Variants in ACOXL observed in about 807,000 individuals in gnomAD.
ACOXL encodes acyl-CoA oxidase like, also known as acyl-coenzyme A oxidase-like protein.
ACOXL carries 70 observed loss-of-function variants against 71.9 expected under a neutral mutation model. The observed-to-expected ratio is 0.97, with a 90% CI of 0.80 to 1.19. ACOXL has a LOEUF of 1.19. Among genes scored for constraint, ACOXL ranks in the 50% most tolerant of loss-of-function variants. The pLI is 0.00. For missense variants in ACOXL, 703 were observed against 736.3 expected (o/e 0.95, Z 0.52); for synonymous variants, 253 against 281.6 (o/e 0.90, Z 1.02).
At chr2:111,111,261 G>T (rs754832659) in intron 17 of ACOXL, among the ~76,000 whole-genome samples, 18 of 151,406 alleles carry the variant, frequency 1.2e-4, no homozygotes, top group Non-Finnish European at 5.9e-5. Context: ...CACCACTCTC[G>T]GCTAATTTTT....
rs182828200 is a variant in ACOXL at position 110,813,770 on chromosome 2, A to G, written c.753+8375A>G. The stretch of plus-strand genomic sequence containing the variant: ...GCAACAACAGCTCAAGCCACAGTCA[A>G]ATAGTAACTCACTTGTATTGAGTCC... On this transcript the variant is annotated intron_variant, in intron 9 of 17. Coordinates refer to ENST00000439055, the MANE Select transcript of ACOXL (RefSeq NM_001142807.4). Among the ~76,000 whole-genome samples the G allele has an allele frequency of 5.7e-3, 864 of 152,320 alleles. 7 individuals carry two copies. Among genetic ancestry groups the G allele is most frequent in the African/African-American group, 0.02 (836 of 41,566 alleles).
chr2:110,863,707 G>T (rs1014617978), intron 10 of ACOXL, among the ~76,000 whole-genome samples: 2 of 152,054 alleles, frequency 1.3e-5, no homozygotes, highest in Admixed American at 1.3e-4. Context: ...AGCACCTGGG[G>T]TTTATGGCCT....
chr2:110,969,073 A>G (rs1416978728), intron 12 of ACOXL, among the ~76,000 whole-genome samples: 1 of 152,232 alleles, frequency 6.6e-6, no homozygotes, highest in Non-Finnish European at 1.5e-5. Context: ...AAAATAATCC[A>G]TAGGTTATAT....
At chr2:110,904,086 A>T (rs1458739113) in intron 10 of ACOXL, among the ~76,000 whole-genome samples, 1 of 152,182 alleles carries the variant, frequency 6.6e-6, no homozygotes, top group Non-Finnish European at 1.5e-5. Context: ...GGTGGTGAGA[A>T]GTGAGAGTAA....
chr2:111,045,283 G>GT (rs1001628814), intron 15 of ACOXL, among the ~76,000 whole-genome samples: 4 of 152,208 alleles, frequency 2.6e-5, no homozygotes, highest in Middle Eastern at 3.2e-3. Context: ...TCATTTTGAG[G>GT]TTTTTTCCTC....
chr2:110,808,389 C>T (rs1177707607), intron 9 of ACOXL, among the ~76,000 whole-genome samples: 2 of 152,274 alleles, frequency 1.3e-5, no homozygotes, highest in East Asian at 3.9e-4. Flanking sequence ...GTCTGCATTT[C>T]TGGGTTCCCG....
intron 16 of ACOXL, among the ~76,000 whole-genome samples, chr2:111,067,973 GC>G (rs34701621): frequency 6.6e-6 from 1 of 152,166 alleles, no homozygotes; most frequent in Non-Finnish European, 1.5e-5. Flanking sequence ...CCATGATGCT[GC>G]CCCGTGCCCC....
intron 10 of ACOXL, among the ~76,000 whole-genome samples, chr2:110,842,231 T>TG (rs966794626): frequency 3.3e-5 from 5 of 152,104 alleles, no homozygotes; most frequent in South Asian, 2.1e-4. Flanking sequence ...GCTAGAAAGC[T>TG]GGGGGGGAGC....
intron 16 of ACOXL, among the ~76,000 whole-genome samples, chr2:111,068,850 T>C (rs773022572): frequency 6.6e-6 from 1 of 152,204 alleles, no homozygotes; most frequent in Non-Finnish European, 1.5e-5. Flanking sequence ...TGCTGTCATA[T>C]TTGATGACAC....
In ACOXL at chr2:110,973,009, T is replaced by C. The variant is rs531223073; in HGVS notation, c.1060-14099T>C. Among the ~76,000 whole-genome samples, 8 of 152,342 alleles carry C rather than the reference T, an allele frequency of 5.3e-5. No individual in the cohort carries two copies. In the South Asian group the frequency reaches 1.5e-3, roughly 28 times the overall value. On this transcript the variant is annotated intron_variant, in intron 12 of 17. Transcript: ENST00000439055. ...GCCACCCTTATCAGTCAAGGAATGGTGGGAATCTTCCCAAACCCAAGTTCC... is the reference window on the plus strand; with the variant it reads ...GCCACCCTTATCAGTCAAGGAATGGCGGGAATCTTCCCAAACCCAAGTTCC...
intron 9 of ACOXL, among the ~76,000 whole-genome samples, chr2:110,829,387 T>C (rs745773665): frequency 2.6e-5 from 4 of 152,154 alleles, no homozygotes; most frequent in Non-Finnish European, 5.9e-5. Context: ...GATCTTCCCT[T>C]AGCTGTGTCT....
chr2:110,887,690 T>C (rs923825950), intron 10 of ACOXL: 13 of 152,314 alleles, frequency 8.5e-5, no homozygotes, highest in African/African-American at 2.9e-4. Flanking sequence ...TGACTCCTGG[T>C]CTCTAGTGAT....
intron 17 of ACOXL, among the ~76,000 whole-genome samples, chr2:111,096,410 T>G (rs2068804358): frequency 6.6e-6 from 1 of 151,836 alleles, no homozygotes; most frequent in Admixed American, 6.6e-5. Flanking sequence ...GCCTAGCTAA[T>G]TTTTGTATTT....
At position 111,049,316 on chromosome 2, in the gene ACOXL, C is replaced by T. The variant is rs182873351; in HGVS notation, c.1440+28C>T. On this transcript the variant is annotated intron_variant, in intron 16 of 17. Coordinates refer to ENST00000439055, the MANE Select transcript of ACOXL (RefSeq NM_001142807.4). ...AGGTTATCAGATAAAGAACTTATTT[C>T]CTAAAGGCTCAGAGCGTTTTTATTG... 2.8e-4 allele frequency: 431 copies of T among 1,559,782 alleles called. 3 individuals are homozygous for T. In the African/African-American group the frequency reaches 5.3e-3, roughly 19 times the overall value.
chr2:110,929,025 A>T (rs1558743678), intron 11 of ACOXL, among the ~76,000 whole-genome samples: 1 of 152,232 alleles, frequency 6.6e-6, no homozygotes, highest in Non-Finnish European at 1.5e-5. Flanking sequence ...CAGCGGCATG[A>T]AACGGACTAA....
intron 17 of ACOXL, among the ~76,000 whole-genome samples, chr2:111,102,472 CCT>C (rs1460495099): frequency 1.3e-5 from 2 of 152,158 alleles, no homozygotes; most frequent in Non-Finnish European, 2.9e-5. Flanking sequence ...TGAGCTCCAG[CCT>C]CTGAGTTTCT....
At chr2:110,904,964 C>CA (rs1427671384) in intron 10 of ACOXL, among the ~76,000 whole-genome samples, 1 of 152,074 alleles carries the variant, frequency 6.6e-6, no homozygotes, top group Admixed American at 6.5e-5. Context: ...AAAATGCACT[C>CA]AAAGGGAGTC....
chr2:110,959,608 G>A (rs1489659110), intron 12 of ACOXL, among the ~76,000 whole-genome samples: 1 of 152,028 alleles, frequency 6.6e-6, no homozygotes, highest in African/African-American at 2.4e-5. Context: ...CTCCATGCTG[G>A]GCTGATTAGA....
chr2:111,117,814 T>C lies in ACOXL; in HGVS notation c.1741T>C (p.Ter581GlnextTer144), dbSNP rs150464195. 1.1e-3 allele frequency: 1,743 copies of C among 1,547,450 alleles called. 16 individuals carry two copies. The African/African-American group carries it at 0.021, about 18-fold the overall frequency. ...GCGGCCCAAGCTGGGAGCCAAGCTC[T>C]AACGGGTGTGGCGGGAAGTGTGGTG... is the stretch of plus-strand genomic sequence containing the variant. ...SRRPKLGAKL[*>Q] Residue 581 changes from the stop codon to glutamine, a stop_lost, in exon 18 of 18, where the codon TAA (stop) becomes CAA (glutamine). Transcript: ENST00000439055.
Sources: gnomAD v4.1 joint callset for allele counts (sites outside exome capture counted in the v4.1 genomes callset) on GRCh38, gnomAD v4.1.1 for gene constraint, MANE v1.5 for transcripts, NCBI Gene and HGNC (gene_info 2026-07-23, HGNC 2026-07-21) for gene names.